Variants in OXR1 observed in about 807,000 individuals in gnomAD.
OXR1 encodes the protein oxidation resistance 1, also known as oxidation resistance protein 1.
Under a neutral mutation model 104.6 loss-of-function variants are expected in OXR1, and 41 were observed. The observed-to-expected ratio is 0.39, with a 90% CI of 0.31 to 0.51. The LOEUF (loss-of-function observed/expected upper bound fraction) is 0.51, where lower values mean the gene tolerates loss of function less well. OXR1 is among the 20% of genes least tolerant of loss of function. OXR1 has a pLI of 0.77. For missense variants in OXR1, 955 were observed against 1,031.9 expected, an observed-to-expected ratio of 0.93 and a Z score of 1.02; for synonymous variants, 348 against 348.4, an observed-to-expected ratio of 1.00 and a Z score of 0.01.
intron 3 of OXR1, among the ~76,000 whole-genome samples, chr8:106,584,326 G>A (rs543800379): frequency 5.9e-5 from 9 of 151,906 alleles, no homozygotes; most frequent in African/African-American, 1.2e-4. Context: ...AGGGGTGTTC[G>A]GGGGAGGGGG....
At chr8:106,441,523 C>T (rs796212878) in intron 2 of OXR1, among the ~76,000 whole-genome samples, 4 of 152,200 alleles carry the variant, frequency 2.6e-5, no homozygotes, top group Admixed American at 6.6e-5. Context: ...GCCATTTTCA[C>T]GACATTGATT....
intron 2 of OXR1, among the ~76,000 whole-genome samples, chr8:106,477,770 G>A (rs1016364271): frequency 6.6e-6 from 1 of 151,558 alleles, no homozygotes; most frequent in African/African-American, 2.4e-5. Flanking sequence ...GTTGTTCAAA[G>A]GTCATCTGTA....
intron 11 of OXR1, chr8:106,726,095 C>T: frequency 7.7e-7 from 1 of 1,299,068 alleles, no homozygotes; most frequent in Non-Finnish European, 1.0e-6. Flanking sequence ...TTAGCTCTCT[C>T]TCTTGTCAAT....
chr8:106,632,321 A>G (rs1822757182), intron 3 of OXR1, among the ~76,000 whole-genome samples: 1 of 152,214 alleles, frequency 6.6e-6, no homozygotes, highest in African/African-American at 2.4e-5. Flanking sequence ...TTATCTTTAT[A>G]TGGACAGTTT....
rs1811059345 is a variant in OXR1 at position 106,491,164 on chromosome 8, G to C, written c.24-27779G>C. Among the ~76,000 whole-genome samples, 3 of 152,290 alleles carry C rather than the reference G, an allele frequency of 2.0e-5. No individual in the cohort carries two copies. In the South Asian group the frequency reaches 6.2e-4, roughly 32 times the overall value. On this transcript the variant is annotated intron_variant, in intron 2 of 16. Coordinates refer to ENST00000517566, the MANE Select transcript of OXR1 (RefSeq NM_001198533.2). ...GATAGTCACAGACTTTCTCTTGTCT[G>C]CCTCCTTTCTGGGAGGAGTTATCTC...
At chr8:106,491,526 A>AT (rs1811085708) in intron 2 of OXR1, among the ~76,000 whole-genome samples, 1 of 152,212 alleles carries the variant, frequency 6.6e-6, no homozygotes, top group African/African-American at 2.4e-5. Context: ...CCTAATCCCC[A>AT]TAAAAACTTC....
intron 2 of OXR1, among the ~76,000 whole-genome samples, chr8:106,472,018 T>G (rs990669745): frequency 2.0e-5 from 3 of 151,880 alleles, no homozygotes; most frequent in Non-Finnish European, 4.4e-5. Flanking sequence ...TTTCCACTAC[T>G]GTCTTTTGTG....
At chr8:106,312,067 A>G (rs1336873094) in intron 1 of OXR1, among the ~76,000 whole-genome samples, 1 of 150,586 alleles carries the variant, frequency 6.6e-6, no homozygotes, top group African/African-American at 2.4e-5. Context: ...AGCAGAGGCT[A>G]ACTTGTTTGA....
intron 1 of OXR1, among the ~76,000 whole-genome samples, chr8:106,316,051 A>G (rs1360523390): frequency 6.6e-6 from 1 of 152,224 alleles, no homozygotes; most frequent in Non-Finnish European, 1.5e-5. Flanking sequence ...ACTTTCTAAC[A>G]GTTTTTGTCA....
chr8:106,583,610 CAG>C (rs1394640660), intron 3 of OXR1, among the ~76,000 whole-genome samples: 1 of 152,056 alleles, frequency 6.6e-6, no homozygotes, highest in Non-Finnish European at 1.5e-5. Flanking sequence ...GAGGAGGTAA[CAG>C]TGATAAAATT....
chr8:106,372,165 T>G (rs1248303841), intron 2 of OXR1, among the ~76,000 whole-genome samples: 1 of 152,212 alleles, frequency 6.6e-6, no homozygotes, highest in Admixed American at 6.5e-5. Context: ...GCAACTGGTA[T>G]CTTCCAATCT....
At chr8:106,453,981 C>A (rs1820465858) in intron 2 of OXR1, among the ~76,000 whole-genome samples, 1 of 152,024 alleles carries the variant, frequency 6.6e-6, no homozygotes, top group Non-Finnish European at 1.5e-5. Flanking sequence ...TTATTTTATT[C>A]TTATTGAAAA....
At chr8:106,415,107 C>CT (rs1818617273) in intron 2 of OXR1, among the ~76,000 whole-genome samples, 1 of 152,048 alleles carries the variant, frequency 6.6e-6, no homozygotes, top group African/African-American at 2.4e-5. Context: ...GGTGACATGT[C>CT]TTTTTGGAGC....
At chr8:106,319,672 G>GT (rs1460126714) in intron 1 of OXR1, among the ~76,000 whole-genome samples, 1 of 152,166 alleles carries the variant, frequency 6.6e-6, no homozygotes, top group Non-Finnish European at 1.5e-5. Context: ...AGCTGCAGCC[G>GT]TTTTCCCGTA....
At chr8:106,565,499 C>G (rs894659812) in intron 3 of OXR1, among the ~76,000 whole-genome samples, 1 of 152,132 alleles carries the variant, frequency 6.6e-6, no homozygotes, top group Non-Finnish European at 1.5e-5. Context: ...AATGGAAAAA[C>G]GTTCCATGCT....
chr8:106,655,221 T>C (rs574281202), intron 3 of OXR1, among the ~76,000 whole-genome samples: 1 of 152,200 alleles, frequency 6.6e-6, no homozygotes, highest in Non-Finnish European at 1.5e-5. Context: ...ATTTTGATGA[T>C]GGCTTTATAA....
chr8:106,611,628 A>C (rs1288917182), intron 3 of OXR1, among the ~76,000 whole-genome samples: 1 of 152,212 alleles, frequency 6.6e-6, no homozygotes, highest in African/African-American at 2.4e-5. Context: ...TGTTTGTCCC[A>C]CGCAAATTGG....
At chr8:106,362,517 T>C (rs898136904) in intron 2 of OXR1, among the ~76,000 whole-genome samples, 4 of 152,134 alleles carry the variant, frequency 2.6e-5, no homozygotes, top group African/African-American at 9.7e-5. Context: ...AAAAAATATA[T>C]AAATAATTTA....
At chr8:106,483,928 A>G (rs925588532) in intron 2 of OXR1, among the ~76,000 whole-genome samples, 3 of 152,136 alleles carry the variant, frequency 2.0e-5, no homozygotes, top group Non-Finnish European at 4.4e-5. Flanking sequence ...TGAAGAACTC[A>G]GCCCAAGGGA....
Sources: allele counts gnomAD v4.1 joint callset (sites outside exome capture counted in the v4.1 genomes callset), GRCh38; gene constraint gnomAD v4.1.1; transcripts MANE v1.5; gene names NCBI Gene and HGNC (gene_info 2026-07-23, HGNC 2026-07-21).